Variants in TTC21A observed in about 807,000 individuals in gnomAD.
The protein encoded by TTC21A is tetratricopeptide repeat protein 21A.
A neutral mutation model predicts 156.4 loss-of-function variants in TTC21A; 128 were observed. That is an observed-to-expected ratio of 0.82 (90% CI 0.71 to 0.95). TTC21A has a LOEUF of 0.95. Among genes scored for constraint, TTC21A ranks in the 40% least tolerant of loss-of-function variants. The pLI is 0.00. For synonymous variants in TTC21A, 587 were observed against 617.1 expected, an observed-to-expected ratio of 0.95 and a Z score of 0.72; for missense variants, 1,435 against 1,602.3, an observed-to-expected ratio of 0.90 and a Z score of 1.78.
In TTC21A at chr3:39,109,548, G is replaced by C. The variant is rs546952550; in HGVS notation, c.157+334G>C. 3.9e-5 allele frequency among the ~76,000 whole-genome samples: 6 copies of C among 152,338 alleles called. No homozygotes were observed. In the East Asian group the frequency reaches 1.2e-3, roughly 29 times the overall value. On this transcript the variant is annotated intron_variant, in intron 2 of 28. Coordinates refer to ENST00000683103, the MANE Select transcript of TTC21A (RefSeq NM_001366900.1). ...CAGGCAAAGGAGGGGGAAGAGGTAGGTGTGAGGACAGGTGGGTATGGTACA... is the reference window on the plus strand; with the variant it reads ...CAGGCAAAGGAGGGGGAAGAGGTAGCTGTGAGGACAGGTGGGTATGGTACA...
At chr3:39,111,523 A>G (rs2036827405) in intron 4 of TTC21A, among the ~76,000 whole-genome samples, 1 of 152,212 alleles carries the variant, frequency 6.6e-6, no homozygotes, top group Admixed American at 6.5e-5. Context: ...ATGGTGGCTC[A>G]TGCAGTGCAG....
chr3:39,135,584 C>G (rs1275700379), intron 22 of TTC21A, among the ~76,000 whole-genome samples: 1 of 152,224 alleles, frequency 6.6e-6, no homozygotes, highest in African/African-American at 2.4e-5. Context: ...GGTTGGAGCC[C>G]TGGCAGGCCC....
intron 7 of TTC21A, chr3:39,118,457 TAGAC>T (rs926305408): frequency 1.5e-5 from 7 of 465,140 alleles, no homozygotes; most frequent in Middle Eastern, 5.8e-4. Context: ...GTTTGTAAAA[TAGAC>T]AGAATTCCAC....
Position 39,114,563 on chromosome 3 carries a change from T to C in TTC21A, c.559-22T>C, listed in dbSNP as rs369682996. The stretch of plus-strand genomic sequence containing the variant: ...TCATGGGCACTCCCTTCACGGAGGC[T>C]CTTCTGTCTGGCTCCCAACAGGCAA... On this transcript the variant is annotated intron_variant, in intron 5 of 28. Transcript: ENST00000683103. The C allele has an allele frequency of 2.1e-5, 34 of 1,612,906 alleles. No individual in the cohort carries two copies. The African/African-American group carries it at 3.6e-4, about 17-fold the overall frequency.
In TTC21A at chr3:39,128,376, T is replaced by G. The variant is rs2038435704; in HGVS notation, c.1568T>G (p.Leu523Arg). ...AQSILQRCLELDPASVDAHLL... is the reference protein window; with the variant it reads ...AQSILQRCLERDPASVDAHLL... Reference sequence around the variant, plus strand: ...AGCATCCTGCAGCGTTGCCTGGAGCTGGACCCCGCCTCCGTGGATGCCCAT... The same window carrying G: ...AGCATCCTGCAGCGTTGCCTGGAGCGGGACCCCGCCTCCGTGGATGCCCAT... Residue 523 changes from leucine (L) to arginine (R), a missense_variant, in exon 13 of 29, where the codon CTG becomes CGG. Coordinates refer to ENST00000683103, the MANE Select transcript of TTC21A (RefSeq NM_001366900.1). The G allele has an allele frequency of 1.2e-6, 2 of 1,614,220 alleles. No individual in the cohort carries two copies. Among genetic ancestry groups the G allele is most frequent in the Non-Finnish European group, 1.7e-6 (2 of 1,180,036 alleles).
intron 19 of TTC21A, 111 bp from the exon 20 acceptor site, chr3:39,132,941 A>C: frequency 3.2e-6 from 3 of 923,652 alleles, no homozygotes; most frequent in Non-Finnish European, 4.8e-6. Flanking sequence ...GCCCAAGGGC[A>C]CTTATGTGTC....
chr3:39,134,038 T>C lies in TTC21A; in HGVS notation c.2752-180T>C, dbSNP rs1003326375. Among the ~76,000 whole-genome samples, 1 of 152,050 alleles carries C rather than the reference T, an allele frequency of 6.6e-6. No homozygotes were observed. Among genetic ancestry groups the C allele is most frequent in the Non-Finnish European group, 1.5e-5 (1 of 68,030 alleles). On this transcript the variant is annotated intron_variant, in intron 20 of 28. Coordinates refer to ENST00000683103, the MANE Select transcript of TTC21A (RefSeq NM_001366900.1). This position sits in a 1 kb window ranked among gnomAD's most constrained non-coding sequence, Gnocchi z 4.6. ...TTTCAGAGGTTAGTAAGACACAGGGTATGACTGGAGAACTGCATGGGAGAA... is the reference window on the plus strand; with the variant it reads ...TTTCAGAGGTTAGTAAGACACAGGGCATGACTGGAGAACTGCATGGGAGAA...
intron 19 of TTC21A, among the ~76,000 whole-genome samples, chr3:39,132,170 A>G (rs2038774977): frequency 6.6e-6 from 1 of 152,234 alleles, no homozygotes; most frequent in Admixed American, 6.5e-5. Context: ...GTATTTATAC[A>G]CAGCTAAACA....
rs141139123 is a variant in TTC21A, at chr3:39,112,420, G to A, written c.436-38G>A. ...TGCAGGCTGAGTTGATTCTGTGCAG[G>A]ACCAAGGACTTCATCTTTCATCTTG... On this transcript the variant is annotated intron_variant, in intron 4 of 28. Transcript: ENST00000683103. 6.4e-4 allele frequency: 1,031 copies of A among 1,610,484 alleles called. 5 individuals are homozygous for A. Among genetic ancestry groups the A allele is most frequent in the South Asian group, 3.0e-3 (270 of 90,942 alleles).
In TTC21A at chr3:39,110,888, G is replaced by T. The variant is rs1559666972; in HGVS notation, c.306G>T (p.Lys102Asn). The T allele has an allele frequency of 6.2e-7, 1 of 1,614,020 alleles. No individual in the cohort carries two copies. Among genetic ancestry groups the T allele is most frequent in the East Asian group, 2.2e-5 (1 of 44,890 alleles). Residue 102 changes from lysine to asparagine, a missense_variant, in exon 4 of 29, where the codon AAG (lysine) becomes AAT (asparagine). By Grantham distance (94) the Lys-to-Asn change is moderately conservative. Transcript: ENST00000683103. ...EAIQELEYSL[K>N]EIRKTVSGTA... is the part of the protein sequence containing the mutation. ...TTCAGGAGCTTGAGTACAGCCTGAA[G>T]GAAATACGCAAGACAGTCAGTGGGA...
At position 39,110,955 on chromosome 3, in the gene TTC21A, C is replaced by G; in HGVS notation, c.373C>G (p.Arg125Gly). 1 of 1,613,952 alleles carries G rather than the reference C, an allele frequency of 6.2e-7. No individual in the cohort carries two copies. The highest frequency in any genetic ancestry group is 8.5e-7 in the Non-Finnish European group (1 of 1,179,948). Residue 125 changes from arginine (R) to glycine (G), a missense_variant, in exon 4 of 29, where the codon CGC becomes GGC. Coordinates refer to ENST00000683103, the MANE Select transcript of TTC21A (RefSeq NM_001366900.1). ...TGGCCTTTTCCTCTGGCTCATAGGC[C>G]GCCATGACAAGGCCAAAGAGTACAT... ...YAGLFLWLIG[R>G]HDKAKEYIDR...
rs784492 is a variant in TTC21A, at chr3:39,134,085, G to A, written c.2752-133G>A. On this transcript the variant is annotated intron_variant, in intron 20 of 28. Transcript: ENST00000683103. This position sits in a 1 kb window ranked among gnomAD's most constrained non-coding sequence, Gnocchi z 4.6. ...AGAAGGGGAAGGCCAGGACGTTCAC[G>A]TGGGGAATTCGAGACATATTTTGAA... The A allele has an allele frequency of 4.3e-6, 3 of 703,560 alleles. No individual in the cohort carries two copies. The highest frequency in any genetic ancestry group is 1.8e-5 in the African/African-American group (1 of 56,912). 43.6% of individuals were successfully genotyped at this position (703,560 alleles called of 1,614,324 possible).
chr3:39,133,288 T>C (rs1172808880), intron 20 of TTC21A, 48 bp downstream of exon 20: 2 of 1,578,872 alleles, frequency 1.3e-6, no homozygotes, highest in Non-Finnish European at 1.7e-6. Context: ...CAGGGCACAA[T>C]GACTTGCTGA....
At chr3:39,110,296 C>G (rs2036700340) in intron 3 of TTC21A, 157 bp downstream of exon 3, 1 of 690,358 alleles carries the variant, frequency 1.4e-6, no homozygotes, top group Admixed American at 2.0e-5. Flanking sequence ...TGCTCCTCTC[C>G]CCCTGGAGGC....
In TTC21A at chr3:39,110,916, G is replaced by A. The variant is rs1220571698; in HGVS notation, c.334G>A (p.Ala112Thr). Residue 112 changes from alanine (A) to threonine (T), a missense_variant, in exon 4 of 29, where the codon GCA (alanine) becomes ACA (threonine). Ala to Thr is a moderately conservative substitution (Grantham distance 58, BLOSUM62 0). Coordinates refer to ENST00000683103, the MANE Select transcript of TTC21A (RefSeq NM_001366900.1). Reference protein sequence around the residue: ...KEIRKTVSGTALYYAGLFLWL... With the variant: ...KEIRKTVSGTTLYYAGLFLWL... ...AATACGCAAGACAGTCAGTGGGACT[G>A]CACTGTACTATGCTGGCCTTTTCCT... is the stretch of plus-strand genomic sequence containing the variant. 5.6e-6 allele frequency: 9 copies of A among 1,614,070 alleles called. No homozygotes were observed. The highest frequency in any genetic ancestry group is 7.6e-6 in the Non-Finnish European group (9 of 1,180,006).
rs200529671 is a variant in TTC21A at position 39,136,385 on chromosome 3, C to T, written c.2973C>T (p.Ile991=). 3 of 1,613,054 alleles carry T rather than the reference C, an allele frequency of 1.9e-6. No homozygotes were observed. Among genetic ancestry groups the T allele is most frequent in the Non-Finnish European group, 1.7e-6 (2 of 1,179,678 alleles). ...PDNFLVLHKL[I]DLLRRSGKLE... is the part of the protein sequence containing the mutation. Reference sequence around the variant, plus strand: ...ATTTTTTGGTATTGCATAAATTAATCGATCTGCTAAGAAGAAGTGGAAAAC... The same window carrying T: ...ATTTTTTGGTATTGCATAAATTAATTGATCTGCTAAGAAGAAGTGGAAAAC... Residue 991 remains isoleucine (I), a synonymous_variant, in exon 23 of 29, where the codon ATC becomes ATT. Coordinates refer to ENST00000683103, the MANE Select transcript of TTC21A (RefSeq NM_001366900.1).
intron 21 of TTC21A, 63 bp from the exon 22 acceptor site, chr3:39,135,030 C>A: frequency 3.6e-6 from 5 of 1,401,388 alleles, no homozygotes; most frequent in Non-Finnish European, 5.1e-6. Context: ...CCCCCCGCCT[C>A]CCCCTACACC....
chr3:39,114,244 G>C (rs1034108629), intron 5 of TTC21A, among the ~76,000 whole-genome samples: 4 of 152,224 alleles, frequency 2.6e-5, no homozygotes, highest in African/African-American at 9.6e-5. Context: ...GAAAATGTAT[G>C]GAACTGGAAA....
rs1173833999 is a variant in TTC21A at position 39,130,575 on chromosome 3, G to A, written c.2320-126G>A. On this transcript the variant is annotated intron_variant, in intron 17 of 28. Transcript: ENST00000683103. The surrounding 1 kb of genome is among the most constrained non-coding windows in gnomAD (Gnocchi z 4.5). ...TTACACCCTGTGCCAGCTGGGAGGA[G>A]TGCCTTTTCACTTTAGGCTATGTTC... 7.9e-7 allele frequency: 1 copy of A among 1,264,592 alleles called. No homozygotes were observed. Among genetic ancestry groups the A allele is most frequent in the Non-Finnish European group, 1.1e-6 (1 of 900,054 alleles). 78.3% of individuals were successfully genotyped at this position (1,264,592 alleles called of 1,614,324 possible).
Sources: gnomAD v4.1 joint callset for allele counts (sites outside exome capture counted in the v4.1 genomes callset) on GRCh38, gnomAD v4.1.1 for gene constraint, Gnocchi (gnomAD v3.1) non-coding constraint, MANE v1.5 for transcripts, NCBI Gene and HGNC (gene_info 2026-07-23, HGNC 2026-07-21) for gene names.